The following CALCOCO1 variants were observed in gnomAD, a reference collection of about 807,000 sequenced individuals.
CALCOCO1 encodes the protein calcium-binding and coiled-coil domain-containing protein 1.
A neutral mutation model predicts 86.3 loss-of-function variants in CALCOCO1; 44 were observed. The ratio of observed to expected loss-of-function variants is 0.51; its 90% CI spans 0.40 to 0.66. The LOEUF is 0.66. CALCOCO1 is among the 30% of genes least tolerant of loss of function. The pLI, the probability that CALCOCO1 is intolerant of heterozygous loss-of-function variation, is 0.00. For missense variants in CALCOCO1, 708 were observed against 851.1 expected (o/e 0.83, Z 2.09); for synonymous variants, 297 against 327.6 (o/e 0.91, Z 1.01).
chr12:53,727,201 G>GCCCCCCA (rs1946062450), intron 1 of CALCOCO1, among the ~76,000 whole-genome samples: 1 of 152,054 alleles, frequency 6.6e-6, no homozygotes, highest in Non-Finnish European at 1.5e-5. Context: ...ACGAGGGGGC[G>GCCCCCCA]CCCCCCACCC....
chr12:53,723,824 T>C lies in CALCOCO1; in HGVS notation c.260-41A>G, dbSNP rs1218187424. The stretch of plus-strand genomic sequence containing the variant: ...TGGACCCAGGACCCCAATAATCCAC[T>C]GTCCTTGGCCCCAGCCCCTTGCTCG... On this transcript the variant is annotated intron_variant, in intron 3 of 14. Coordinates refer to ENST00000550804, the MANE Select transcript of CALCOCO1 (RefSeq NM_020898.3). 5 of 1,576,978 alleles carry C rather than the reference T, an allele frequency of 3.2e-6. No individual in the cohort carries two copies. In the Admixed American group the frequency reaches 8.5e-5, roughly 27 times the overall value.
In CALCOCO1 at chr12:53,711,549, C is replaced by G. The variant is rs947520024; in HGVS notation, c.*395G>C. ...ACTCCAAATAAGAGAGGGTAGGGTGCCCCAGGAATTGGCTTTGGGGCATCA... is the reference window on the plus strand; with the variant it reads ...ACTCCAAATAAGAGAGGGTAGGGTGGCCCAGGAATTGGCTTTGGGGCATCA... On this transcript the variant is annotated 3_prime_UTR_variant, in exon 15 of 15. Transcript: ENST00000550804. 20 of 299,684 alleles carry G rather than the reference C, an allele frequency of 6.7e-5. No individual in the cohort carries two copies. In the East Asian group the frequency reaches 1.1e-3, roughly 16 times the overall value. 18.6% of individuals were successfully genotyped at this position (299,684 alleles called of 1,614,324 possible). A position where few individuals can be genotyped will look rare whatever the true frequency, so the allele number is the denominator to read the frequency against.
intron 7 of CALCOCO1, among the ~76,000 whole-genome samples, chr12:53,717,217 C>T (rs539291610): frequency 2.9e-4 from 44 of 152,298 alleles, no homozygotes; most frequent in African/African-American, 8.9e-4. Context: ...TGTGCCACCA[C>T]GCCTGCCTAA....
intron 7 of CALCOCO1, among the ~76,000 whole-genome samples, chr12:53,718,973 G>C (rs1945800669): frequency 6.7e-6 from 1 of 148,656 alleles, no homozygotes. Context: ...TCAGCCTCCT[G>C]AGTAGCTGGG....
chr12:53,715,367 A>G (rs988163731), intron 9 of CALCOCO1, 42 bp from the exon 10 acceptor site: 2 of 1,612,222 alleles, frequency 1.2e-6, no homozygotes, highest in Middle Eastern at 1.7e-4. Flanking sequence ...GTGGAGGGGG[A>G]AGAAAAAGGA....
Position 53,712,001 on chromosome 12 carries a change from C to T in CALCOCO1, c.2019G>A (p.Glu673=), listed in dbSNP as rs771191708. The T allele has an allele frequency of 6.2e-7, 1 of 1,608,432 alleles. No homozygotes were observed. Among genetic ancestry groups the T allele is most frequent in the East Asian group, 2.2e-5 (1 of 44,774 alleles). ...AAAAGAAGTGTCCATCCATGTGGTC[C>T]TCCAGGGCATCCTTGTCACTCTCAG... The part of the protein sequence containing the change: ...FPAESDKDAL[E]DHMDGHFFFS... Residue 673 remains glutamate (E), a synonymous_variant, in exon 15 of 15, where the codon GAG becomes GAA. Coordinates refer to ENST00000550804, the MANE Select transcript of CALCOCO1 (RefSeq NM_020898.3).
At chr12:53,720,587 A>G (rs1022712036) in intron 6 of CALCOCO1, among the ~76,000 whole-genome samples, 1 of 152,184 alleles carries the variant, frequency 6.6e-6, no homozygotes, top group African/African-American at 2.4e-5. Context: ...ATATCTCCCT[A>G]GGGTGAGACT....
rs763144456 is a variant in CALCOCO1, at chr12:53,712,802, GGAGA to G, written c.1898+294_1898+297del. On this transcript the variant is annotated intron_variant, in intron 14 of 14. Transcript: ENST00000550804. ...GGTGGTTGGGGAAGGGGTAGAGGCAGGAGAGAGGGGAAGCAGGGCAATTTGGGCT... is the reference window on the plus strand; with the variant it reads ...GGTGGTTGGGGAAGGGGTAGAGGCAGGAGGGGAAGCAGGGCAATTTGGGCT... 6.5e-6 allele frequency: 9 copies of G among 1,388,620 alleles called. No homozygotes were observed. In the East Asian group the frequency reaches 3.4e-4, roughly 53 times the overall value. 86.0% of individuals were successfully genotyped at this position (1,388,620 alleles called of 1,614,324 possible). A position where few individuals can be genotyped will look rare whatever the true frequency, so the allele number is the denominator to read the frequency against.
rs373429119 is a variant in CALCOCO1, at chr12:53,724,443, T to A, written c.259+202A>T. 9.1e-5 allele frequency: 51 copies of A among 560,154 alleles called. 2 individuals are homozygous for A. The highest frequency in any genetic ancestry group is 5.9e-4 in the South Asian group (29 of 49,382). 34.7% of individuals were successfully genotyped at this position (560,154 alleles called of 1,614,324 possible). ...GGACTAGATGCCCTCTGAAGTTCCT[T>A]CTGTTTCTATGTCCCTGATTCTGCG... On this transcript the variant is annotated intron_variant, in intron 3 of 14. Coordinates refer to ENST00000550804, the MANE Select transcript of CALCOCO1 (RefSeq NM_020898.3).
intron 10 of CALCOCO1, among the ~76,000 whole-genome samples, 192 bp from the exon 11 acceptor site, chr12:53,714,885 T>C (rs576938289): frequency 2.0e-5 from 3 of 152,272 alleles, no homozygotes; most frequent in East Asian, 3.9e-4. Context: ...GATACTCAGT[T>C]TTCTAAGTCT....
intron 3 of CALCOCO1, chr12:53,723,998 G>A (rs1019576021): frequency 3.1e-5 from 18 of 579,866 alleles, no homozygotes; most frequent in Middle Eastern, 2.6e-4. Flanking sequence ...TGTAGTGAGT[G>A]CGTACCATGT....
intron 3 of CALCOCO1, chr12:53,724,219 G>C: frequency 2.3e-6 from 1 of 437,162 alleles, no homozygotes; most frequent in South Asian, 1.6e-5. Flanking sequence ...TTAAATCCTC[G>C]TAATGTCCCT....
In CALCOCO1 at chr12:53,722,334, C is replaced by T. The variant is rs533946644; in HGVS notation, c.451-151G>A. 132 of 803,250 alleles carry T rather than the reference C, an allele frequency of 1.6e-4. No homozygotes were observed. In the African/African-American group the frequency reaches 1.9e-3, roughly 11 times the overall value. 49.8% of individuals were successfully genotyped at this position (803,250 alleles called of 1,614,324 possible). On this transcript the variant is annotated intron_variant, in intron 4 of 14. Transcript: ENST00000550804. Reference sequence around the variant, plus strand: ...AGGAAGGGGATGCTCAGTGTGCTACCGAATCCCGTCCACCACCCAGTCAGA... The same window carrying T: ...AGGAAGGGGATGCTCAGTGTGCTACTGAATCCCGTCCACCACCCAGTCAGA...
intron 3 of CALCOCO1, chr12:53,724,004 CA>C: frequency 1.7e-6 from 1 of 573,794 alleles, no homozygotes; most frequent in Non-Finnish European, 3.1e-6. Context: ...GAGTGCGTAC[CA>C]TGTACCAGAC....
intron 7 of CALCOCO1, among the ~76,000 whole-genome samples, chr12:53,716,792 C>A (rs1945739148): frequency 6.6e-6 from 1 of 152,200 alleles, no homozygotes. Flanking sequence ...GTCCAGGGTA[C>A]CAACTAGCTC....
intron 4 of CALCOCO1, 88 bp from the exon 5 acceptor site, chr12:53,722,271 G>T: frequency 6.7e-7 from 1 of 1,485,038 alleles, no homozygotes; most frequent in Non-Finnish European, 9.2e-7. Context: ...TGCATTTTGG[G>T]TTTGGGAAGT....
In CALCOCO1 at chr12:53,714,637, C is replaced by T. The variant is rs770664685; in HGVS notation, c.1443G>A (p.Val481=). 24 of 1,614,044 alleles carry T rather than the reference C, an allele frequency of 1.5e-5. No homozygotes were observed. The highest frequency in any genetic ancestry group is 1.7e-5 in the Non-Finnish European group (20 of 1,180,014). The part of the protein sequence containing the change: ...ELTELRSALR[V]LQKEKEQLQE... ...GTAACTGCTCCTTTTCCTTCTGGAGCACACGCAGGGCTGACCGCAGCTCTG... is the reference window on the plus strand; with the variant it reads ...GTAACTGCTCCTTTTCCTTCTGGAGTACACGCAGGGCTGACCGCAGCTCTG... The change falls in exon 11 of 15, where the codon GTG becomes GTA. Residue 481 remains valine, a synonymous_variant. Transcript: ENST00000550804.
At chr12:53,724,028 C>T in intron 3 of CALCOCO1, 1 of 526,292 alleles carries the variant, frequency 1.9e-6, no homozygotes, top group Non-Finnish European at 3.4e-6. Context: ...TGTGGTAACA[C>T]TTTTTATTTT....
rs1329104767 is a variant in CALCOCO1 at position 53,715,206 on chromosome 12, A to G, written c.1380T>C (p.Ser460=). 1 of 1,614,178 alleles carries G rather than the reference A, an allele frequency of 6.2e-7. No individual in the cohort carries two copies. The highest frequency in any genetic ancestry group is 8.5e-7 in the Non-Finnish European group (1 of 1,180,014). ...TGGTGGCTGGATGCCTCACCAGGCT[A>G]GAATCCTTCTCCCGGGCCAGCTCAG... The part of the protein sequence containing the change: ...FKTELAREKD[S]SLVQLSESKR... The change falls in exon 10 of 15, where the codon TCT becomes TCC. Residue 460 remains serine (S), a synonymous_variant. Transcript: ENST00000550804.
Sources: allele counts gnomAD v4.1 joint callset (sites outside exome capture counted in the v4.1 genomes callset), GRCh38; gene constraint gnomAD v4.1.1; transcripts MANE v1.5; gene names NCBI Gene and HGNC (gene_info 2026-07-23, HGNC 2026-07-21).